AGMO: variants seen among roughly 807,000 people sequenced by gnomAD.
AGMO encodes the protein alkylglycerol monooxygenase, also known as glyceryl-ether monooxygenase.
A neutral mutation model predicts 60.2 loss-of-function variants in AGMO; 75 were observed. The observed-to-expected ratio is 1.25, with a 90% CI of 1.03 to 1.51. AGMO has a LOEUF of 1.51. AGMO is among the 40% of genes most tolerant of loss of function. AGMO has a pLI of 0.00. For missense variants in AGMO, 763 were observed against 525.5 expected (o/e 1.45, Z -4.42); for synonymous variants, 261 against 177.1 (o/e 1.47, Z -3.76).
chr7:15,518,291 G>A (rs993723036), intron 3 of AGMO, among the ~76,000 whole-genome samples: 4 of 152,110 alleles, frequency 2.6e-5, no homozygotes, highest in South Asian at 4.1e-4. Context: ...ACAGAGCAGC[G>A]GACCTCCTAG....
intron 3 of AGMO, among the ~76,000 whole-genome samples, chr7:15,439,444 C>T (rs1470367665): frequency 6.6e-6 from 1 of 152,084 alleles, no homozygotes; most frequent in Non-Finnish European, 1.5e-5. Context: ...CAGCTTTTTC[C>T]TCCCTCCCTT....
At chr7:15,342,240 A>T (rs1215980747) in intron 12 of AGMO, among the ~76,000 whole-genome samples, 1 of 149,942 alleles carries the variant, frequency 6.7e-6, no homozygotes, top group Non-Finnish European at 1.5e-5. Context: ...ATTGGGAAGA[A>T]AAGAAGTCTC....
At position 15,364,310 on chromosome 7, in the gene AGMO, A is replaced by C. The variant is rs1321311329; in HGVS notation, c.1263+1204T>G. Reference sequence around the variant, plus strand: ...TAGATATATTTACATACATACAATAAAATACATTTATATATTTATATACCG... The same window carrying C: ...TAGATATATTTACATACATACAATACAATACATTTATATATTTATATACCG... On this transcript the variant is annotated intron_variant, in intron 12 of 12. Transcript: ENST00000342526. Among the ~76,000 whole-genome samples the C allele has an allele frequency of 2.0e-5, 3 of 151,982 alleles. No homozygotes were observed. The East Asian group carries it at 5.8e-4, about 29-fold the overall frequency.
chr7:15,367,713 G>C (rs1267386556), intron 10 of AGMO, among the ~76,000 whole-genome samples: 1 of 152,036 alleles, frequency 6.6e-6, no homozygotes, highest in Non-Finnish European at 1.5e-5. Flanking sequence ...CAAAGTATTG[G>C]ACACAGTTCC....
chr7:15,305,372 T>C (rs1052526860), intron 12 of AGMO, among the ~76,000 whole-genome samples: 2 of 151,998 alleles, frequency 1.3e-5, no homozygotes, highest in African/African-American at 2.4e-5. Context: ...AAAATGAGGA[T>C]TGGCACTTAT....
At position 15,272,433 on chromosome 7, in the gene AGMO, T is replaced by C. The variant is rs113723865; in HGVS notation, c.1264-71074A>G. On this transcript the variant is annotated intron_variant, in intron 12 of 12. Coordinates refer to ENST00000342526, the MANE Select transcript of AGMO (RefSeq NM_001004320.2). The stretch of plus-strand genomic sequence containing the variant: ...CTGAGAAAGATAGTTTCCAGCTTCA[T>C]CCATGTCCCTACAAAGGACATGAAC... Among the ~76,000 whole-genome samples, 190 of 152,070 alleles carry C rather than the reference T, an allele frequency of 1.2e-3. 1 individual carries two copies. Among genetic ancestry groups the C allele is most frequent in the Middle Eastern group, 6.8e-3 (2 of 294 alleles).
At chr7:15,533,964 A>G (rs1784427077) in intron 3 of AGMO, among the ~76,000 whole-genome samples, 1 of 152,120 alleles carries the variant, frequency 6.6e-6, no homozygotes, top group African/African-American at 2.4e-5. Flanking sequence ...GTATTTTATT[A>G]CCAAGATTTG....
At chr7:15,322,983 T>A (rs200045444) in intron 12 of AGMO, among the ~76,000 whole-genome samples, 325 of 104,892 alleles carry the variant, frequency 3.1e-3, no homozygotes, top group Middle Eastern at 0.022. Context: ...ATATATGTAT[T>A]TATTTTTTAT....
chr7:15,398,452 G>C (rs562474783), intron 5 of AGMO, among the ~76,000 whole-genome samples: 18 of 152,114 alleles, frequency 1.2e-4, no homozygotes, highest in African/African-American at 3.9e-4. Context: ...AGCTGGGGAA[G>C]ACCACCTCTG....
chr7:15,230,910 G>A (rs572201683), intron 12 of AGMO, among the ~76,000 whole-genome samples: 2 of 152,154 alleles, frequency 1.3e-5, no homozygotes, highest in Non-Finnish European at 2.9e-5. Flanking sequence ...GAAATGGAAC[G>A]AGGGAAGTCA....
the AGMO span, among the ~76,000 whole-genome samples, chr7:15,168,974 G>A: frequency 6.6e-6 from 1 of 152,186 alleles, no homozygotes; most frequent in African/African-American, 2.4e-5. Context: ...TTGGATTAAT[G>A]TTTTGACCTT....
intron 6 of AGMO, among the ~76,000 whole-genome samples, chr7:15,392,292 G>A (rs947406992): frequency 4.2e-5 from 6 of 144,018 alleles, no homozygotes; most frequent in Admixed American, 2.8e-4. Flanking sequence ...CCAGGATGGT[G>A]TCTTATCTCC....
chr7:15,346,522 TC>T lies in AGMO; in HGVS notation c.1263+18991del, dbSNP rs567647994. Among the ~76,000 whole-genome samples the T allele has an allele frequency of 1.5e-3, 231 of 152,018 alleles. 1 individual carries two copies. Among genetic ancestry groups the T allele is most frequent in the Non-Finnish European group, 2.8e-3 (192 of 67,872 alleles). On this transcript the variant is annotated intron_variant, in intron 12 of 12. Transcript: ENST00000342526. Reference sequence around the variant, plus strand: ...TTTAATTGATATTTATTTTCATTAATCCTTCTTAAATAATACGATATAAAAG... The same window carrying T: ...TTTAATTGATATTTATTTTCATTAATCTTCTTAAATAATACGATATAAAAG...
At chr7:15,373,221 T>C (rs931926732) in intron 10 of AGMO, among the ~76,000 whole-genome samples, 1 of 151,604 alleles carries the variant, frequency 6.6e-6, no homozygotes. Flanking sequence ...GTGGTTTCAG[T>C]GAGCTGAGAT....
At chr7:15,408,107 CAT>C (rs1414704335) in intron 5 of AGMO, among the ~76,000 whole-genome samples, 1 of 151,788 alleles carries the variant, frequency 6.6e-6, no homozygotes, top group Non-Finnish European at 1.5e-5. Flanking sequence ...ACAGAGAGAA[CAT>C]GTGCAAATAC....
intron 3 of AGMO, among the ~76,000 whole-genome samples, chr7:15,438,208 T>G (rs1173691708): frequency 6.6e-6 from 1 of 151,922 alleles, no homozygotes; most frequent in Non-Finnish European, 1.5e-5. Flanking sequence ...CTTATTGTCA[T>G]TTGAATAAAA....
intron 2 of AGMO, among the ~76,000 whole-genome samples, chr7:15,556,219 G>GTTTTT (rs71004394): frequency 3.0e-4 from 27 of 91,470 alleles, no homozygotes; most frequent in African/African-American, 1.0e-3. Context: ...CTCCTTTTTA[G>GTTTTT]TTTTTTTTTT....
the AGMO span, among the ~76,000 whole-genome samples, chr7:15,193,552 CTTATT>C: frequency 1.3e-5 from 2 of 152,122 alleles, no homozygotes; most frequent in Non-Finnish European, 2.9e-5. Flanking sequence ...AGTTGGAACT[CTTATT>C]ATATAATTTG....
chr7:15,521,567 C>G (rs1214606680), intron 3 of AGMO, among the ~76,000 whole-genome samples: 6 of 152,122 alleles, frequency 3.9e-5, no homozygotes. Context: ...AAATGTAATC[C>G]ATCACATAAA....
Sources: allele counts gnomAD v4.1 joint callset (sites outside exome capture counted in the v4.1 genomes callset), GRCh38; gene constraint gnomAD v4.1.1; transcripts MANE v1.5; gene names NCBI Gene and HGNC (gene_info 2026-07-23, HGNC 2026-07-21).